TRPM3: variants seen among roughly 807,000 people sequenced by gnomAD.
TRPM3 encodes the protein transient receptor potential cation channel subfamily M member 3.
Under a neutral mutation model 181.2 loss-of-function variants are expected in TRPM3, and 77 were observed. The observed-to-expected ratio is 0.42, with a 90% CI of 0.35 to 0.51. The LOEUF is 0.51. Ranked by LOEUF, TRPM3 falls within the 20% of genes least tolerant of loss-of-function variation. TRPM3 has a pLI of 0.01. For missense variants in TRPM3, 1,759 were observed against 2,196.7 expected, an observed-to-expected ratio of 0.80 and a Z score of 3.98; for synonymous variants, 745 against 796.4, an observed-to-expected ratio of 0.94 and a Z score of 1.09.
intron 1 of TRPM3, among the ~76,000 whole-genome samples, chr9:71,389,919 T>C (rs1483897038): frequency 6.6e-6 from 1 of 152,018 alleles, no homozygotes; most frequent in Non-Finnish European, 1.5e-5. Context: ...CTAAAAAACT[T>C]GCTCATGTAG....
intron 1 of TRPM3, among the ~76,000 whole-genome samples, chr9:71,185,262 AAACTAAGTAT>A (rs924584927): frequency 1.3e-5 from 2 of 152,152 alleles, no homozygotes; most frequent in African/African-American, 4.8e-5. Context: ...CCTGCATATA[AAACTAAGTAT>A]AACCACAGCT....
chr9:71,234,532 T>C (rs895353128), intron 1 of TRPM3, among the ~76,000 whole-genome samples: 31 of 152,158 alleles, frequency 2.0e-4, no homozygotes, highest in African/African-American at 6.5e-4. Context: ...AATCAAGGTG[T>C]TGGCAGCATT....
intron 9 of TRPM3, among the ~76,000 whole-genome samples, chr9:70,653,469 G>GT (rs922675904): frequency 2.3e-4 from 35 of 150,294 alleles, no homozygotes; most frequent in African/African-American, 6.4e-4. Flanking sequence ...TGGGGATATG[G>GT]TTTTTTTTTG....
At chr9:71,444,283 C>T (rs12238624) in intron 1 of TRPM3, among the ~76,000 whole-genome samples, 13,514 of 151,432 alleles carry the variant, frequency 0.089, 738 homozygotes, top group East Asian at 0.23. Context: ...TTCAAGAATC[C>T]AACTAAAGCA....
chr9:71,254,315 C>T (rs1580913), intron 1 of TRPM3, among the ~76,000 whole-genome samples: 102,393 of 152,036 alleles, frequency 0.67, 34,579 homozygotes, highest in African/African-American at 0.68. Flanking sequence ...AATTCATAGA[C>T]GAAAAGAGTA....
chr9:70,660,322 C>T (rs1473842509), intron 9 of TRPM3, among the ~76,000 whole-genome samples: 3 of 152,066 alleles, frequency 2.0e-5, no homozygotes, highest in Non-Finnish European at 4.4e-5. Context: ...TATCTGATTA[C>T]CTCCTTTGGA....
At chr9:71,168,858 G>A (rs191150042) in intron 1 of TRPM3, among the ~76,000 whole-genome samples, 11 of 152,060 alleles carry the variant, frequency 7.2e-5, no homozygotes, top group Middle Eastern at 3.4e-3. Flanking sequence ...AATTGCATTT[G>A]ATATGTAAGA....
At chr9:71,312,163 G>T (rs2088014357) in intron 1 of TRPM3, among the ~76,000 whole-genome samples, 1 of 152,092 alleles carries the variant, frequency 6.6e-6, no homozygotes, top group Non-Finnish European at 1.5e-5. Flanking sequence ...ATTTGCAAAA[G>T]ATATATCTGA....
chr9:71,077,561 G>C (rs1187799820), intron 1 of TRPM3, among the ~76,000 whole-genome samples: 1 of 152,174 alleles, frequency 6.6e-6, no homozygotes, highest in Non-Finnish European at 1.5e-5. Flanking sequence ...CTATAGGCTA[G>C]AACTGCAAGA....
intron 1 of TRPM3, among the ~76,000 whole-genome samples, chr9:71,438,487 T>C (rs963654839): frequency 2.0e-5 from 3 of 147,834 alleles, no homozygotes; most frequent in African/African-American, 7.3e-5. Context: ...CTGGGCAATG[T>C]GGCAAAACCC....
chr9:70,605,537 T>G (rs917987826), intron 19 of TRPM3, among the ~76,000 whole-genome samples: 5 of 150,930 alleles, frequency 3.3e-5, no homozygotes, highest in African/African-American at 1.2e-4. Context: ...TCATGAAAAC[T>G]TCTCATGAAG....
chr9:71,252,149 G>C (rs1299266606), intron 1 of TRPM3, among the ~76,000 whole-genome samples: 1 of 152,096 alleles, frequency 6.6e-6, no homozygotes, highest in Non-Finnish European at 1.5e-5. Flanking sequence ...ATAAACATGG[G>C]AGTGCAGATA....
intron 1 of TRPM3, among the ~76,000 whole-genome samples, chr9:71,440,184 A>G (rs1383060234): frequency 6.6e-6 from 1 of 152,130 alleles, no homozygotes; most frequent in South Asian, 2.1e-4. Context: ...TGAATCTTAA[A>G]CTCACTAGGA....
intron 1 of TRPM3, among the ~76,000 whole-genome samples, chr9:71,427,772 G>A (rs2131589551): frequency 6.6e-6 from 1 of 152,216 alleles, no homozygotes; most frequent in South Asian, 2.1e-4. Context: ...GGAGGAGGCA[G>A]GGGGCCAGGG....
At chr9:70,906,431 G>A (rs1353550599) in intron 1 of TRPM3, among the ~76,000 whole-genome samples, 1 of 152,156 alleles carries the variant, frequency 6.6e-6, no homozygotes, top group Non-Finnish European at 1.5e-5. Context: ...GGCAGATAGG[G>A]CTGGTGACCT....
chr9:71,347,824 T>C (rs985858884), intron 1 of TRPM3, among the ~76,000 whole-genome samples: 1 of 152,062 alleles, frequency 6.6e-6, no homozygotes, highest in Non-Finnish European at 1.5e-5. Context: ...AAATTAAAAC[T>C]TTTAAATTAA....
chr9:70,969,749 A>ATTTT (rs2097219794), intron 1 of TRPM3, among the ~76,000 whole-genome samples: 1 of 87,696 alleles, frequency 1.1e-5, no homozygotes, highest in Non-Finnish European at 2.4e-5. Context: ...GTGAAGACTG[A>ATTTT]ATGATTTTAT....
At chr9:71,208,829 C>A (rs2079292720) in intron 1 of TRPM3, among the ~76,000 whole-genome samples, 1 of 152,124 alleles carries the variant, frequency 6.6e-6, no homozygotes, top group Non-Finnish European at 1.5e-5. Context: ...TTGAGATGGT[C>A]AGGGACACAT....
At chr9:70,986,530 C>T (rs1297067987) in intron 1 of TRPM3, among the ~76,000 whole-genome samples, 1 of 152,102 alleles carries the variant, frequency 6.6e-6, no homozygotes, top group Non-Finnish European at 1.5e-5. Context: ...CTAAGTCAAG[C>T]AGACAGTTCC....
Sources: allele counts gnomAD v4.1 joint callset (sites outside exome capture counted in the v4.1 genomes callset), GRCh38; gene constraint gnomAD v4.1.1; transcripts MANE v1.5; gene names NCBI Gene and HGNC (gene_info 2026-07-23, HGNC 2026-07-21).